Variants in FAM13A observed in about 807,000 individuals in gnomAD.
FAM13A encodes the protein family with sequence similarity 13 member A.
A neutral mutation model predicts 129.6 loss-of-function variants in FAM13A; 76 were observed. The ratio of observed to expected loss-of-function variants is 0.59; its 90% CI spans 0.49 to 0.71. The LOEUF is 0.71. Among genes scored for constraint, FAM13A ranks in the 30% least tolerant of loss-of-function variants. The pLI, the probability that FAM13A is intolerant of heterozygous loss-of-function variation, is 0.00. For synonymous variants in FAM13A, 443 were observed against 449.9 expected (o/e 0.98, Z 0.20); for missense variants, 1,108 against 1,249.3 (o/e 0.89, Z 1.70).
intron 1 of FAM13A, among the ~76,000 whole-genome samples, chr4:89,049,447 C>T (rs1309662447): frequency 6.6e-6 from 1 of 152,124 alleles, no homozygotes; most frequent in Non-Finnish European, 1.5e-5. Context: ...AAACCTGTGA[C>T]ATCATTTCTT....
At chr4:88,837,616 G>C (rs537483821) in intron 7 of FAM13A, among the ~76,000 whole-genome samples, 16 of 151,176 alleles carry the variant, frequency 1.1e-4, no homozygotes, top group African/African-American at 3.9e-4. Flanking sequence ...TACTTGGGAG[G>C]CTGAGGCAGG....
At chr4:88,953,280 C>A (rs1757231806) in intron 4 of FAM13A, among the ~76,000 whole-genome samples, 1 of 152,082 alleles carries the variant, frequency 6.6e-6, no homozygotes, top group East Asian at 1.9e-4. Context: ...CATGGTGAAA[C>A]CCCGTCTCTA....
chr4:89,051,191 T>C (rs140180828), intron 1 of FAM13A, among the ~76,000 whole-genome samples: 1,944 of 152,316 alleles, frequency 0.013, 50 homozygotes, highest in African/African-American at 0.044. Flanking sequence ...CTCACAGTTC[T>C]AGAGGCTGTG....
chr4:88,857,343 T>C (rs1298269110), intron 6 of FAM13A, among the ~76,000 whole-genome samples: 1 of 152,098 alleles, frequency 6.6e-6, no homozygotes, highest in Non-Finnish European at 1.5e-5. Context: ...AGGTTTATGT[T>C]GAGGCCAAGT....
chr4:88,926,295 G>A (rs1488439791), intron 5 of FAM13A, among the ~76,000 whole-genome samples: 1 of 152,046 alleles, frequency 6.6e-6, no homozygotes, highest in Non-Finnish European at 1.5e-5. Context: ...TTCATCCTGA[G>A]GAGATCAACT....
chr4:88,966,241 C>T (rs1181813083), intron 4 of FAM13A, among the ~76,000 whole-genome samples: 1 of 152,030 alleles, frequency 6.6e-6, no homozygotes, highest in Non-Finnish European at 1.5e-5. Flanking sequence ...TTGCTTTTCC[C>T]AAAATAAATA....
intron 5 of FAM13A, among the ~76,000 whole-genome samples, chr4:88,907,201 T>TG (rs35379418): frequency 0.15 from 23,119 of 152,222 alleles, 1,994 homozygotes; most frequent in Non-Finnish European, 0.2. Flanking sequence ...TTTCCATAGA[T>TG]GATTCCATCT....
chr4:88,885,480 C>T (rs942908599), intron 6 of FAM13A, among the ~76,000 whole-genome samples: 23 of 152,158 alleles, frequency 1.5e-4, no homozygotes, highest in African/African-American at 5.3e-4. Flanking sequence ...ACCAGATCCT[C>T]ATCTCTCACC....
At chr4:88,917,963 C>G (rs992552685) in intron 5 of FAM13A, among the ~76,000 whole-genome samples, 4 of 152,170 alleles carry the variant, frequency 2.6e-5, no homozygotes, top group Non-Finnish European at 5.9e-5. Flanking sequence ...ATAGCTAAAG[C>G]CGACTCTCCC....
At chr4:88,774,071 C>T (rs1721213779) in intron 11 of FAM13A, among the ~76,000 whole-genome samples, 1 of 152,144 alleles carries the variant, frequency 6.6e-6, no homozygotes, top group Admixed American at 6.5e-5. Context: ...CCACCTCTTG[C>T]CTGTCCTCAA....
chr4:88,824,510 T>C (rs1396240325), intron 7 of FAM13A, among the ~76,000 whole-genome samples: 6 of 152,188 alleles, frequency 3.9e-5, no homozygotes, highest in Admixed American at 3.9e-4. Flanking sequence ...TGATAAACTA[T>C]CAGTAACTAA....
rs74412310 is a variant in FAM13A, at chr4:88,765,743, C to G, written c.1578+1810G>C. On this transcript the variant is annotated intron_variant, in intron 13 of 23. Transcript: ENST00000264344. ...TTGTGGAATGATGTCTTATTTTTCT[C>G]CTTTGGTGCAGCTGTGGTAGAAAGG... is the stretch of plus-strand genomic sequence containing the variant. Among the ~76,000 whole-genome samples, 1,242 of 152,256 alleles carry G rather than the reference C, an allele frequency of 8.2e-3. 8 individuals carry two copies. Among genetic ancestry groups the G allele is most frequent in the African/African-American group, 0.029 (1,201 of 41,552 alleles).
At chr4:88,759,011 T>C (rs1744271818) in intron 13 of FAM13A, 110 bp from the exon 14 acceptor site, 2 of 1,126,980 alleles carry the variant, frequency 1.8e-6, no homozygotes, top group Non-Finnish European at 2.6e-6. Flanking sequence ...CAGCTGCTAA[T>C]GCATCCAGCA....
chr4:88,787,622 T>TA (rs1724228549), intron 10 of FAM13A, 131 bp downstream of exon 10: 6 of 792,096 alleles, frequency 7.6e-6, no homozygotes, highest in Non-Finnish European at 9.8e-6. Flanking sequence ...TGATAACTCT[T>TA]AAAGTTTTAA....
At chr4:88,901,285 A>G (rs1396411508) in intron 6 of FAM13A, among the ~76,000 whole-genome samples, 1 of 152,178 alleles carries the variant, frequency 6.6e-6, no homozygotes, top group Non-Finnish European at 1.5e-5. Flanking sequence ...GTTCTGGATC[A>G]AGCAGACCTG....
Position 88,990,958 on chromosome 4 carries a change from A to T in FAM13A, c.605+15T>A, listed in dbSNP as rs776792678. On this transcript the variant is annotated intron_variant, in intron 4 of 23. Transcript: ENST00000264344. ...GGGACATGATGATATTAACAGTAAA[A>T]CTCCACTAACTTACTGAAAGCAATT... The T allele has an allele frequency of 1.8e-5, 29 of 1,602,918 alleles. No homozygotes were observed. Among genetic ancestry groups the T allele is most frequent in the Middle Eastern group, 1.7e-4 (1 of 6,038 alleles).
intron 3 of FAM13A, among the ~76,000 whole-genome samples, chr4:88,998,703 A>G (rs977171272): frequency 2.0e-5 from 3 of 152,208 alleles, no homozygotes; most frequent in Non-Finnish European, 2.9e-5. Flanking sequence ...TTCTTTCTAA[A>G]TATGTATTTA....
intron 3 of FAM13A, among the ~76,000 whole-genome samples, chr4:89,008,784 C>T (rs565923949): frequency 6.1e-4 from 93 of 152,268 alleles, no homozygotes; most frequent in African/African-American, 2.1e-3. Flanking sequence ...AAAACAGGCA[C>T]TTAAATTGTG....
At chr4:88,768,822 G>T (rs988766456) in intron 11 of FAM13A, among the ~76,000 whole-genome samples, 5 of 152,156 alleles carry the variant, frequency 3.3e-5, no homozygotes, top group African/African-American at 1.2e-4. Flanking sequence ...TGCTTACCAG[G>T]AGGCATATAT....
Sources: allele counts gnomAD v4.1 joint callset (sites outside exome capture counted in the v4.1 genomes callset), GRCh38; gene constraint gnomAD v4.1.1; transcripts MANE v1.5; gene names NCBI Gene and HGNC (gene_info 2026-07-23, HGNC 2026-07-21).